The following L2HGDH variants were observed in gnomAD, a reference collection of about 807,000 sequenced individuals.
L2HGDH encodes the protein L-2-hydroxyglutarate dehydrogenase, mitochondrial.
In L2HGDH, 34 loss-of-function variants were observed where a neutral mutation model predicts 51.5. The ratio of observed to expected loss-of-function variants is 0.66; its 90% CI spans 0.50 to 0.88. The LOEUF (loss-of-function observed/expected upper bound fraction) is 0.88. Among genes scored for constraint, L2HGDH ranks in the 40% least tolerant of loss-of-function variants. The pLI, the probability that L2HGDH is intolerant of heterozygous loss-of-function variation, is 0.00. For synonymous variants in L2HGDH, 198 were observed against 197.9 expected, an observed-to-expected ratio of 1.00 and a Z score of -0.01; for missense variants, 558 against 571.9, an observed-to-expected ratio of 0.98 and a Z score of 0.25.
chr14:50,306,013 G>A (rs1320998161), intron 1 of L2HGDH, among the ~76,000 whole-genome samples: 3 of 150,570 alleles, frequency 2.0e-5, no homozygotes, highest in Non-Finnish European at 4.4e-5. Flanking sequence ...TGCAGATGCA[G>A]AACCCACAAA....
intron 5 of L2HGDH, chr14:50,282,310 C>A (rs561351968): frequency 5.2e-6 from 2 of 381,028 alleles, no homozygotes; most frequent in Admixed American, 3.3e-5. Context: ...CTTTCCTAGA[C>A]CTCCCCTCTG....
chr14:50,296,644 C>T (rs1223948850), intron 3 of L2HGDH, among the ~76,000 whole-genome samples: 5 of 143,758 alleles, frequency 3.5e-5, no homozygotes, highest in African/African-American at 1.3e-4. Context: ...TGAATGCTAC[C>T]AGATGTTAAA....
At chr14:50,252,014 A>C (rs1173661443) in intron 9 of L2HGDH, among the ~76,000 whole-genome samples, 1 of 152,054 alleles carries the variant, frequency 6.6e-6, no homozygotes, top group Non-Finnish European at 1.5e-5. Context: ...CTCATCTTAC[A>C]TAGAAAGATT....
chr14:50,266,060 C>T (rs955787327), intron 8 of L2HGDH, among the ~76,000 whole-genome samples: 2 of 150,058 alleles, frequency 1.3e-5, no homozygotes, highest in Non-Finnish European at 3.0e-5. Flanking sequence ...GTGGGAGGCT[C>T]GCTTAAGCCC....
rs549582065 is a variant in L2HGDH, at chr14:50,301,784, A to G, written c.408+233T>C. ...AGCTCTATAAATATACTAAAAATTGATCTGTGCACTTTAAAAGGGCGAATT... is the reference window on the plus strand; with the variant it reads ...AGCTCTATAAATATACTAAAAATTGGTCTGTGCACTTTAAAAGGGCGAATT... On this transcript the variant is annotated intron_variant, in intron 3 of 9. Transcript: ENST00000267436. 8.5e-5 allele frequency among the ~76,000 whole-genome samples: 13 copies of G among 152,310 alleles called. No homozygotes were observed. In the South Asian group the frequency reaches 1.9e-3, roughly 22 times the overall value.
intron 9 of L2HGDH, among the ~76,000 whole-genome samples, chr14:50,249,507 T>A (rs1186279677): frequency 6.6e-6 from 1 of 151,704 alleles, no homozygotes; most frequent in African/African-American, 2.4e-5. Flanking sequence ...GAGGCCCGCA[T>A]TATAGGCCCT....
At chr14:50,281,460 C>T (rs1021622726) in intron 5 of L2HGDH, among the ~76,000 whole-genome samples, 4 of 152,000 alleles carry the variant, frequency 2.6e-5, no homozygotes, top group African/African-American at 9.7e-5. Flanking sequence ...GATGGGGTGG[C>T]ACATGTTTGT....
At chr14:50,277,188 A>C (rs533164784) in intron 6 of L2HGDH, among the ~76,000 whole-genome samples, 1 of 149,970 alleles carries the variant, frequency 6.7e-6, no homozygotes, top group Admixed American at 6.7e-5. Context: ...GGATGGATAA[A>C]GTAGACTGTT....
At position 50,247,463 on chromosome 14, in the gene L2HGDH, A is replaced by G. The variant is rs143645778; in HGVS notation, c.1197-210T>C. ...AGAGCCTAAAACCTATTACGTAACA[A>G]TAGTGTAACAAACGCTTATCAAAGA... On this transcript the variant is annotated intron_variant, in intron 9 of 9. Coordinates refer to ENST00000267436, the MANE Select transcript of L2HGDH (RefSeq NM_024884.3). 4.3e-3 allele frequency among the ~76,000 whole-genome samples: 649 copies of G among 152,352 alleles called. 17 individuals carry two copies. The highest frequency in any genetic ancestry group is 0.032 in the Admixed American group (496 of 15,290).
At chr14:50,291,119 C>A (rs115944851) in intron 4 of L2HGDH, among the ~76,000 whole-genome samples, 1 of 142,054 alleles carries the variant, frequency 7.0e-6, no homozygotes, top group Non-Finnish European at 1.5e-5. Context: ...AATCGCTGAA[C>A]CCAGGGAGAC....
At chr14:50,300,188 T>G (rs925698746) in intron 3 of L2HGDH, among the ~76,000 whole-genome samples, 3 of 152,158 alleles carry the variant, frequency 2.0e-5, no homozygotes, top group Admixed American at 6.5e-5. Flanking sequence ...TAATGTATTA[T>G]ATTCTTGAAG....
At chr14:50,304,435 T>C (rs1186506470) in intron 1 of L2HGDH, among the ~76,000 whole-genome samples, 1 of 152,240 alleles carries the variant, frequency 6.6e-6, no homozygotes. Context: ...AGTTTTTCTT[T>C]GAGAAGTAAA....
intron 9 of L2HGDH, among the ~76,000 whole-genome samples, chr14:50,248,642 T>TAA (rs1436113215): frequency 6.6e-6 from 1 of 152,206 alleles, no homozygotes; most frequent in East Asian, 1.9e-4. Flanking sequence ...ATGATAAAGA[T>TAA]AAGTGATCTT....
chr14:50,259,891 G>C (rs1261007432), intron 9 of L2HGDH, among the ~76,000 whole-genome samples: 3 of 148,562 alleles, frequency 2.0e-5, no homozygotes, highest in African/African-American at 4.9e-5. Context: ...TAGTCATTTT[G>C]TGGTCAAATT....
Position 50,269,322 on chromosome 14 carries a change from T to A in L2HGDH, c.747A>T (p.Glu249Asp), listed in dbSNP as rs1566514397. The A allele has an allele frequency of 6.2e-7, 1 of 1,613,992 alleles. No individual in the cohort carries two copies. ...ATGTCACAACATACTGACATCGAAT[T>A]TCCTCTCCCTAGTGCAAAATAAAAG... is the stretch of plus-strand genomic sequence containing the variant. ...PIVIKNTKGE[E>D]IRCQYVVTCA... is the part of the protein sequence containing the mutation. The change falls in exon 7 of 10, where the codon GAA (glutamate) becomes GAT (aspartate). Residue 249 changes from glutamate to aspartate, a missense_variant. Physicochemically the swap from Glu to Asp is conservative, Grantham distance 45. Around this residue, in one of 3 missense-constraint regions of L2HGDH, gnomAD observed 321 missense variants for 311.8 expected, o/e 1.03. Transcript: ENST00000267436.
chr14:50,264,946 C>T (rs1311271942), intron 9 of L2HGDH, among the ~76,000 whole-genome samples: 1 of 152,120 alleles, frequency 6.6e-6, no homozygotes, highest in African/African-American at 2.4e-5. Flanking sequence ...AATTAGTTAA[C>T]ATAGTGATCA....
Position 50,311,934 on chromosome 14 carries a change from AG to A in L2HGDH, c.140+76del, listed in dbSNP as rs1050915610. The A allele has an allele frequency of 2.0e-5, 31 of 1,523,242 alleles. No individual in the cohort carries two copies. In the African/African-American group the frequency reaches 4.0e-4, roughly 20 times the overall value. The allele number at this position is 1,523,242 out of a possible 1,614,324, so 94.4% of individuals were successfully genotyped here. On this transcript the variant is annotated intron_variant, in intron 1 of 9. Transcript: ENST00000267436. ...CACCCCGGGACAGGGAAATACGAAC[AG>A]GGGCACAGGTCCACCACCAGGTGCC...
At chr14:50,290,234 T>C (rs1344729573) in intron 4 of L2HGDH, among the ~76,000 whole-genome samples, 2 of 151,836 alleles carry the variant, frequency 1.3e-5, no homozygotes, top group Admixed American at 1.3e-4. Context: ...GCCACTGCAC[T>C]CCAGCCTGGG....
chr14:50,255,519 A>G (rs1287271241), intron 9 of L2HGDH, among the ~76,000 whole-genome samples: 1 of 143,950 alleles, frequency 6.9e-6, no homozygotes, highest in East Asian at 2.0e-4. Context: ...CTGGGCAACA[A>G]GAGCGAAACT....
Sources: allele counts gnomAD v4.1 joint callset (sites outside exome capture counted in the v4.1 genomes callset), GRCh38; gene constraint gnomAD v4.1.1; regional missense constraint gnomAD v4.1.1; transcripts MANE v1.5; gene names NCBI Gene and HGNC (gene_info 2026-07-23, HGNC 2026-07-21).